The following DLGAP2 variants were observed in gnomAD, a reference collection of about 807,000 sequenced individuals.
DLGAP2 encodes the protein DLG associated protein 2, also known as disks large-associated protein 2.
DLGAP2 carries 26 observed loss-of-function variants against 100.3 expected under a neutral mutation model. That is an observed-to-expected ratio of 0.26 (90% CI 0.19 to 0.36). The LOEUF (loss-of-function observed/expected upper bound fraction) is 0.36, where lower values mean the gene tolerates loss of function less well. Among genes scored for constraint, DLGAP2 ranks in the 10% least tolerant of loss-of-function variants. The probability of loss-of-function intolerance (pLI) is 1.00; values close to 1 mark genes in which losing one functional copy is unlikely to be tolerated. For missense variants in DLGAP2, 1,858 were observed against 1,453.2 expected, an observed-to-expected ratio of 1.28 and a Z score of -4.53; for synonymous variants, 886 against 630.1, an observed-to-expected ratio of 1.41 and a Z score of -6.08.
intron 1 of DLGAP2, among the ~76,000 whole-genome samples, chr8:798,365 C>T (rs550477836): frequency 2.8e-5 from 4 of 141,690 alleles, no homozygotes; most frequent in South Asian, 2.3e-4. Context: ...CCTGCAGCCC[C>T]GTGCCCCGGT....
Position 1,701,262 on chromosome 8 carries a change from C to A in DLGAP2, c.3024C>A (p.Ser1008=). The change falls in exon 15 of 15, where the codon TCC becomes TCA. Residue 1008 remains serine (S), a synonymous_variant. Coordinates refer to ENST00000637795, the MANE Select transcript of DLGAP2 (RefSeq NM_001346810.2). ...AGTTTCCCATCACAAGAGAAAAATCCCTGGACCTGCCCGACAGACAACGCC... is the reference window on the plus strand; with the variant it reads ...AGTTTCCCATCACAAGAGAAAAATCACTGGACCTGCCCGACAGACAACGCC... The part of the protein sequence containing the change: ...KGKFPITREK[S]LDLPDRQRQE... 2 of 1,581,780 alleles carry A rather than the reference C, an allele frequency of 1.3e-6. No individual in the cohort carries two copies. The highest frequency in any genetic ancestry group is 8.6e-7 in the Non-Finnish European group (1 of 1,164,674).
intron 1 of DLGAP2, among the ~76,000 whole-genome samples, chr8:835,367 A>G (rs1381981388): frequency 6.6e-6 from 1 of 152,074 alleles, no homozygotes; most frequent in Non-Finnish European, 1.5e-5. Context: ...CTCCAGAGAC[A>G]TTGGGAGAAA....
At chr8:924,963 T>C (rs1038113861) in intron 2 of DLGAP2, among the ~76,000 whole-genome samples, 4 of 152,186 alleles carry the variant, frequency 2.6e-5, no homozygotes, top group African/African-American at 9.6e-5. Context: ...ATGTTGATAA[T>C]GGTGAAAGTG....
intron 2 of DLGAP2, among the ~76,000 whole-genome samples, chr8:975,283 A>C (rs1266990035): frequency 6.6e-6 from 1 of 152,208 alleles, no homozygotes; most frequent in Non-Finnish European, 1.5e-5. Context: ...CCAAGCCCGC[A>C]TGGGTTCATT....
chr8:1,100,368 C>T (rs548669625), intron 2 of DLGAP2, among the ~76,000 whole-genome samples: 3 of 152,108 alleles, frequency 2.0e-5, no homozygotes, highest in Admixed American at 6.5e-5. Flanking sequence ...CTTTGTCCAG[C>T]ATGTCCACAG....
intron 1 of DLGAP2, among the ~76,000 whole-genome samples, chr8:844,063 T>C (rs999639315): frequency 6.6e-6 from 1 of 152,344 alleles, no homozygotes; most frequent in Non-Finnish European, 1.5e-5. Context: ...TGATATGGAG[T>C]GCTCTACTAA....
At chr8:1,455,855 G>A (rs944098301) in intron 3 of DLGAP2, among the ~76,000 whole-genome samples, 19 of 152,202 alleles carry the variant, frequency 1.2e-4, no homozygotes, top group Admixed American at 3.9e-4. Flanking sequence ...CAGACTCCAG[G>A]ACGGCAGGCG....
intron 1 of DLGAP2, among the ~76,000 whole-genome samples, chr8:895,226 C>A (rs891915072): frequency 1.3e-5 from 2 of 152,032 alleles, no homozygotes; most frequent in African/African-American, 4.8e-5. Context: ...CTAATTAGCT[C>A]AATTTGGTCA....
At chr8:1,445,487 C>T (rs1303164683) in intron 3 of DLGAP2, among the ~76,000 whole-genome samples, 3 of 151,906 alleles carry the variant, frequency 2.0e-5, no homozygotes, top group Admixed American at 6.5e-5. Context: ...TCCAGTCTAT[C>T]GTTGTTGGAC....
chr8:853,839 C>G (rs1288667389), intron 1 of DLGAP2, among the ~76,000 whole-genome samples: 1 of 152,108 alleles, frequency 6.6e-6, no homozygotes, highest in African/African-American at 2.4e-5. Context: ...CTGTGGTGGG[C>G]TGAAGGTTTG....
intron 3 of DLGAP2, among the ~76,000 whole-genome samples, chr8:1,352,007 C>A (rs1439554884): frequency 2.0e-4 from 12 of 61,376 alleles, no homozygotes; most frequent in African/African-American, 5.1e-4. Context: ...TGTGGAAAGG[C>A]CGTGCGGATC....
intron 2 of DLGAP2, among the ~76,000 whole-genome samples, chr8:911,798 A>G (rs576380388): frequency 3.5e-4 from 54 of 152,328 alleles, no homozygotes; most frequent in African/African-American, 1.2e-3. Context: ...TGTATAATGT[A>G]TGTTGGAAGG....
intron 1 of DLGAP2, among the ~76,000 whole-genome samples, chr8:902,034 A>G (rs1798262123): frequency 6.6e-6 from 1 of 152,160 alleles, no homozygotes; most frequent in Non-Finnish European, 1.5e-5. Context: ...GGGGGTTCCA[A>G]GCCATGGTCA....
intron 1 of DLGAP2, among the ~76,000 whole-genome samples, chr8:803,142 C>T (rs1796204021): frequency 6.6e-6 from 1 of 151,992 alleles, no homozygotes; most frequent in South Asian, 2.1e-4. Context: ...GGCTGGGGTG[C>T]ATTTGTGTGT....
Position 1,287,711 on chromosome 8 carries a change from G to C in DLGAP2, c.106+28828G>C, listed in dbSNP as rs1253475520. On this transcript the variant is annotated intron_variant, in intron 3 of 14. Transcript: ENST00000637795. ...TTCGGTTCAGTGTGTGTGTGTGTGT[G>C]TGTGTGTGTATGTGTGTGTGGTTCT... Among the ~76,000 whole-genome samples, 22 of 9,822 alleles carry C rather than the reference G, an allele frequency of 2.2e-3. 1 individual carries two copies. The highest frequency in any genetic ancestry group is 3.6e-3 in the Admixed American group (3 of 828). 6.4% of individuals were successfully genotyped at this position (9,822 alleles called of 152,430 possible).
chr8:1,618,987 T>C (rs1012251152), intron 6 of DLGAP2, among the ~76,000 whole-genome samples: 2 of 152,076 alleles, frequency 1.3e-5, no homozygotes, highest in South Asian at 2.1e-4. Context: ...ATAGACAAAA[T>C]AGATCCGTGT....
intron 1 of DLGAP2, among the ~76,000 whole-genome samples, chr8:824,345 G>C (rs1796646297): frequency 6.6e-6 from 1 of 152,094 alleles, no homozygotes; most frequent in African/African-American, 2.4e-5. Context: ...CACAGTGCTG[G>C]GATTGCAGGT....
intron 1 of DLGAP2, among the ~76,000 whole-genome samples, chr8:761,673 C>G (rs1821087597): frequency 6.6e-6 from 1 of 152,196 alleles, no homozygotes; most frequent in Non-Finnish European, 1.5e-5. Flanking sequence ...GAGTGAGAAT[C>G]ATTCCCGTGT....
chr8:1,303,151 A>G (rs1024435413), intron 3 of DLGAP2, among the ~76,000 whole-genome samples: 4 of 152,162 alleles, frequency 2.6e-5, no homozygotes, highest in Non-Finnish European at 4.4e-5. Flanking sequence ...TAATCCCAGC[A>G]CTTTGGAAGG....
Sources: gnomAD v4.1 joint callset for allele counts (sites outside exome capture counted in the v4.1 genomes callset) on GRCh38, gnomAD v4.1.1 for gene constraint, MANE v1.5 for transcripts, NCBI Gene and HGNC (gene_info 2026-07-23, HGNC 2026-07-21) for gene names.